The following PCDHAC1 variants were observed in gnomAD, a reference collection of about 807,000 sequenced individuals.
PCDHAC1 encodes the protein protocadherin alpha-C1.
Under a neutral mutation model 60.0 loss-of-function variants are expected in PCDHAC1, and 42 were observed. That is an observed-to-expected ratio of 0.70 (90% CI 0.55 to 0.90). PCDHAC1 has a LOEUF of 0.90. Ranked by LOEUF, PCDHAC1 falls within the 40% of genes least tolerant of loss-of-function variation. PCDHAC1 has a pLI of 0.00. For synonymous variants in PCDHAC1, 468 were observed against 499.3 expected, an observed-to-expected ratio of 0.94 and a Z score of 0.84; for missense variants, 1,160 against 1,222.3, an observed-to-expected ratio of 0.95 and a Z score of 0.76.
At chr5:140,938,705 A>G (rs1554212312) in intron 1 of PCDHAC1, among the ~76,000 whole-genome samples, 1 of 152,150 alleles carries the variant, frequency 6.6e-6, no homozygotes, top group African/African-American at 2.4e-5. Context: ...ATATATGTTT[A>G]TGATAGAAAC....
intron 3 of PCDHAC1, among the ~76,000 whole-genome samples, chr5:140,995,110 C>T (rs1047046754): frequency 4.6e-5 from 7 of 152,198 alleles, no homozygotes; most frequent in Non-Finnish European, 7.3e-5. Flanking sequence ...TTCCAAGACC[C>T]TCAGTGGATG....
chr5:140,993,463 CACACACACACACACA>C (rs2097564014), intron 3 of PCDHAC1, among the ~76,000 whole-genome samples: 3 of 7,580 alleles, frequency 4.0e-4, no homozygotes, highest in African/African-American at 2.0e-3. Context: ...CTTTCTTTCT[CACACACACACACACA>C]CACACACACA....
At chr5:140,990,662 T>C (rs1554251660) in intron 3 of PCDHAC1, among the ~76,000 whole-genome samples, 1 of 152,182 alleles carries the variant, frequency 6.6e-6, no homozygotes, top group African/African-American at 2.4e-5. Context: ...ATGATTTACA[T>C]TAGATGCACA....
chr5:140,988,445 A>G (rs1554250148), intron 3 of PCDHAC1, among the ~76,000 whole-genome samples: 2 of 152,168 alleles, frequency 1.3e-5, no homozygotes, highest in African/African-American at 2.4e-5. Context: ...ATTGACCTGA[A>G]GGGAGGAAGC....
At chr5:140,957,373 T>G (rs906109440) in intron 1 of PCDHAC1, among the ~76,000 whole-genome samples, 1 of 152,192 alleles carries the variant, frequency 6.6e-6, no homozygotes, top group Non-Finnish European at 1.5e-5. Flanking sequence ...ACTTTTATTA[T>G]AGTGTATTGT....
At chr5:140,992,606 G>A (rs1554253052) in intron 3 of PCDHAC1, among the ~76,000 whole-genome samples, 1 of 152,188 alleles carries the variant, frequency 6.6e-6, no homozygotes. Flanking sequence ...CTGTGTCTAA[G>A]TGAAAGCAGA....
In PCDHAC1 at chr5:140,968,743, C is replaced by G. The variant is rs112674082; in HGVS notation, c.2434-10206C>G. Reference sequence around the variant, plus strand: ...AGAGTGGTAGCACTTTCAACCTGACCGTGGTGGTCCGAGATAATGGAGAGC... The same window carrying G: ...AGAGTGGTAGCACTTTCAACCTGACGGTGGTGGTCCGAGATAATGGAGAGC... On this transcript the variant is annotated intron_variant, in intron 1 of 3. Transcript: ENST00000253807. 10 of 1,614,060 alleles carry G rather than the reference C, an allele frequency of 6.2e-6. No homozygotes were observed. The South Asian group carries it at 9.9e-5, about 16-fold the overall frequency.
In PCDHAC1 at chr5:140,975,255, C is replaced by A. The variant is rs530385456; in HGVS notation, c.2434-3694C>A. On this transcript the variant is annotated intron_variant, in intron 1 of 3. Transcript: ENST00000253807. ...ATGGAATCCCTCTTATGCTTCAGAT[C>A]TCTCTGATTTCTGTCTCTGACCTCT... Among the ~76,000 whole-genome samples, 6 of 152,334 alleles carry A rather than the reference C, an allele frequency of 3.9e-5. No individual in the cohort carries two copies. In the South Asian group the frequency reaches 1.2e-3, roughly 32 times the overall value.
chr5:140,973,411 C>G (rs545745437), intron 1 of PCDHAC1, among the ~76,000 whole-genome samples: 2 of 152,326 alleles, frequency 1.3e-5, no homozygotes, highest in East Asian at 3.9e-4. Context: ...TGAGCTTCCA[C>G]TCCAGTTTTT....
chr5:140,981,465 T>C (rs1226815704), intron 2 of PCDHAC1, among the ~76,000 whole-genome samples: 2 of 152,116 alleles, frequency 1.3e-5, no homozygotes, highest in Non-Finnish European at 1.5e-5. Context: ...TCCCAGCTAC[T>C]TGGGAGGCTG....
chr5:140,966,452 C>T, intron 1 of PCDHAC1: 1 of 425,890 alleles, frequency 2.3e-6, no homozygotes, highest in South Asian at 9.0e-5. Flanking sequence ...TTTCCCCCTC[C>T]CCCTCTGTCT....
chr5:140,969,310 T>C, intron 1 of PCDHAC1: 2 of 1,614,198 alleles, frequency 1.2e-6, no homozygotes, highest in East Asian at 2.2e-5. Context: ...TTCTCAAAAA[T>C]GAGGCTGTTT....
chr5:140,926,373 G>A lies in PCDHAC1; in HGVS notation c.-520G>A, dbSNP rs1040164585. 2.0e-5 allele frequency: 3 copies of A among 152,370 alleles called. No individual in the cohort carries two copies. Among genetic ancestry groups the A allele is most frequent in the African/African-American group, 4.8e-5 (2 of 41,462 alleles). The allele number at this position is 152,370 out of a possible 1,614,324, so 9.4% of individuals were successfully genotyped here. Reference sequence around the variant, plus strand: ...CGGCTCCCAAAGGGCGGCAGGAAGAGCCCAGCTGGGCTCAGCCACAGTTAT... The same window carrying A: ...CGGCTCCCAAAGGGCGGCAGGAAGAACCCAGCTGGGCTCAGCCACAGTTAT... On this transcript the variant is annotated 5_prime_UTR_variant, in exon 1 of 4. Transcript: ENST00000253807.
At chr5:141,009,577 C>T in intron 3 of PCDHAC1, 50 bp from the exon 4 acceptor site, 1 of 1,584,324 alleles carries the variant, frequency 6.3e-7, no homozygotes, top group South Asian at 1.2e-5. Flanking sequence ...AGTGTGGCAT[C>T]AAGAGCATGT....
At chr5:141,004,449 A>G (rs2098166973) in intron 3 of PCDHAC1, among the ~76,000 whole-genome samples, 1 of 152,180 alleles carries the variant, frequency 6.6e-6, no homozygotes. Flanking sequence ...GTCATATAGA[A>G]CCAGGAAGCT....
chr5:140,948,573 G>A (rs892818051), intron 1 of PCDHAC1, among the ~76,000 whole-genome samples: 1 of 151,448 alleles, frequency 6.6e-6, no homozygotes, highest in Non-Finnish European at 1.5e-5. Flanking sequence ...ATTTTTTAAA[G>A]GATTTGTCAG....
intron 1 of PCDHAC1, among the ~76,000 whole-genome samples, chr5:140,952,338 CAAAA>C (rs55931446): frequency 9.9e-4 from 134 of 134,976 alleles, no homozygotes; most frequent in Admixed American, 2.2e-3. Context: ...AACTCCATCT[CAAAA>C]AAAAAAAAAA....
chr5:140,995,353 G>A lies in PCDHAC1; in HGVS notation c.2581+12790G>A, dbSNP rs922727759. 8.5e-5 allele frequency among the ~76,000 whole-genome samples: 13 copies of A among 152,138 alleles called. 1 individual carries two copies. The highest frequency in any genetic ancestry group is 4.2e-4 in the South Asian group (2 of 4,804). ...GTAGTGTAGACGGCATGGATAGGTC[G>A]GACAGAGGGATGATTCACGTACTGG... On this transcript the variant is annotated intron_variant, in intron 3 of 3. Transcript: ENST00000253807.
Position 141,009,608 on chromosome 5 carries a change from G to A in PCDHAC1, c.2582-19G>A, listed in dbSNP as rs1350951999. ...CATGTGTTGACCCTGTTAATGATTTGTAATGTTTTGTCTTTCAGAACCAGA... is the reference window on the plus strand; with the variant it reads ...CATGTGTTGACCCTGTTAATGATTTATAATGTTTTGTCTTTCAGAACCAGA... On this transcript the variant is annotated intron_variant, in intron 3 of 3. Coordinates refer to ENST00000253807, the MANE Select transcript of PCDHAC1 (RefSeq NM_018898.5). The A allele has an allele frequency of 2.5e-6, 4 of 1,610,656 alleles. No individual in the cohort carries two copies. The highest frequency in any genetic ancestry group is 3.4e-6 in the Non-Finnish European group (4 of 1,177,936).
Sources: allele counts gnomAD v4.1 joint callset (sites outside exome capture counted in the v4.1 genomes callset), GRCh38; gene constraint gnomAD v4.1.1; transcripts MANE v1.5; gene names NCBI Gene and HGNC (gene_info 2026-07-23, HGNC 2026-07-21).